SGCZ: variants seen among roughly 807,000 people sequenced by gnomAD.
SGCZ encodes the protein sarcoglycan zeta.
SGCZ carries 40 observed loss-of-function variants against 41.3 expected under a neutral mutation model. The observed-to-expected ratio is 0.97, with a 90% confidence interval of 0.75 to 1.26. The LOEUF is 1.26. SGCZ is among the 50% of genes most tolerant of loss of function. SGCZ has a pLI of 0.00. For missense variants in SGCZ, 552 were observed against 369.8 expected (o/e 1.49, Z -4.04); for synonymous variants, 206 against 137.5 (o/e 1.50, Z -3.49).
intron 1 of SGCZ, among the ~76,000 whole-genome samples, chr8:14,627,757 T>C (rs576724792): frequency 1.3e-5 from 2 of 152,040 alleles, no homozygotes; most frequent in South Asian, 4.2e-4. Context: ...CTTCATTTTT[T>C]TTTGACTGCA....
rs1314460632 is a variant in SGCZ at position 14,601,144 on chromosome 8, A to G, written c.40-46218T>C. On this transcript the variant is annotated intron_variant, in intron 1 of 7. Coordinates refer to ENST00000382080, the MANE Select transcript of SGCZ (RefSeq NM_139167.4). Reference sequence around the variant, plus strand: ...ACAACTTGATTATTTTTCTGCTAATATTATTTGGTAGGTTCAATAACATTT... The same window carrying G: ...ACAACTTGATTATTTTTCTGCTAATGTTATTTGGTAGGTTCAATAACATTT... Among the ~76,000 whole-genome samples the G allele has an allele frequency of 2.0e-5, 3 of 151,880 alleles. No homozygotes were observed. In the East Asian group the frequency reaches 5.8e-4, roughly 29 times the overall value.
intron 4 of SGCZ, among the ~76,000 whole-genome samples, chr8:14,223,017 G>C (rs1177649311): frequency 2.0e-5 from 3 of 151,684 alleles, no homozygotes; most frequent in African/African-American, 7.3e-5. Context: ...TCACCATGTA[G>C]GCCAGGATGG....
At chr8:14,941,010 G>A (rs1461576471) in intron 1 of SGCZ, among the ~76,000 whole-genome samples, 3 of 152,040 alleles carry the variant, frequency 2.0e-5, no homozygotes, top group Admixed American at 6.6e-5. Flanking sequence ...ATGAATAGAT[G>A]TGGAAACTCC....
intron 1 of SGCZ, among the ~76,000 whole-genome samples, chr8:15,202,062 A>T (rs1800908486): frequency 6.6e-6 from 1 of 152,186 alleles, no homozygotes; most frequent in Non-Finnish European, 1.5e-5. Flanking sequence ...TGTTGTCCAC[A>T]TCAAGATCAG....
chr8:14,271,691 T>C (rs1367941179), intron 3 of SGCZ, among the ~76,000 whole-genome samples: 1 of 152,148 alleles, frequency 6.6e-6, no homozygotes, highest in Non-Finnish European at 1.5e-5. Context: ...TCAACCTCCT[T>C]GACTGGGGTT....
intron 4 of SGCZ, among the ~76,000 whole-genome samples, chr8:14,194,850 G>A (rs1007286203): frequency 6.6e-5 from 10 of 151,792 alleles, no homozygotes; most frequent in African/African-American, 2.2e-4. Flanking sequence ...AGGCCATGGG[G>A]CACTGGTATT....
chr8:14,394,974 G>A (rs1051388899), intron 2 of SGCZ, among the ~76,000 whole-genome samples: 2 of 152,078 alleles, frequency 1.3e-5, no homozygotes, highest in Admixed American at 6.6e-5. Flanking sequence ...ACATGGACAC[G>A]TTCCTTAATC....
intron 3 of SGCZ, among the ~76,000 whole-genome samples, chr8:14,285,472 C>T (rs1284438661): frequency 6.6e-6 from 1 of 152,050 alleles, no homozygotes; most frequent in African/African-American, 2.4e-5. Flanking sequence ...ACTCTACCAC[C>T]TCTGAGGAAC....
At chr8:14,871,123 C>T (rs145518321) in intron 1 of SGCZ, among the ~76,000 whole-genome samples, 4,415 of 152,118 alleles carry the variant, frequency 0.029, 112 homozygotes, top group Non-Finnish European at 0.042. Flanking sequence ...AGAAGAATCA[C>T]TTGAACCCAA....
chr8:14,452,543 A>T (rs1800625482), intron 2 of SGCZ, among the ~76,000 whole-genome samples: 1 of 152,028 alleles, frequency 6.6e-6, no homozygotes, highest in Non-Finnish European at 1.5e-5. Context: ...CATCCTGGGC[A>T]TGCATATACT....
chr8:15,218,021 G>T (rs754505551), intron 1 of SGCZ, among the ~76,000 whole-genome samples: 23 of 152,110 alleles, frequency 1.5e-4, no homozygotes, highest in Non-Finnish European at 2.6e-4. Flanking sequence ...GGGAGGCGGA[G>T]ATTCCTTCGG....
chr8:14,241,298 G>C (rs866099172), intron 3 of SGCZ, among the ~76,000 whole-genome samples: 2 of 151,592 alleles, frequency 1.3e-5, no homozygotes, highest in African/African-American at 4.8e-5. Context: ...AGATAAAGGA[G>C]AGAAATCTAT....
chr8:14,546,505 T>C (rs894154037), intron 2 of SGCZ, among the ~76,000 whole-genome samples: 4 of 152,160 alleles, frequency 2.6e-5, no homozygotes, highest in African/African-American at 9.7e-5. Flanking sequence ...ATAAATGTCA[T>C]TGTACTCTCC....
intron 3 of SGCZ, among the ~76,000 whole-genome samples, chr8:14,293,850 G>C (rs1454486570): frequency 6.6e-6 from 1 of 151,818 alleles, no homozygotes; most frequent in Non-Finnish European, 1.5e-5. Context: ...GATCAAAGTA[G>C]TAGAATTAAG....
intron 1 of SGCZ, among the ~76,000 whole-genome samples, chr8:14,830,821 C>G (rs1802500693): frequency 6.6e-6 from 1 of 152,054 alleles, no homozygotes; most frequent in African/African-American, 2.4e-5. Flanking sequence ...TGCAATCACA[C>G]TAAACGAAAA....
intron 1 of SGCZ, among the ~76,000 whole-genome samples, chr8:14,860,561 GGAAA>G (rs558188651): frequency 1.3e-3 from 184 of 137,276 alleles, no homozygotes; most frequent in Non-Finnish European, 2.4e-3. Flanking sequence ...AGAAAGGAAA[GGAAA>G]GAAAGAAAAG....
At chr8:15,221,203 G>C (rs1038891396) in intron 1 of SGCZ, among the ~76,000 whole-genome samples, 18 of 152,216 alleles carry the variant, frequency 1.2e-4, no homozygotes, top group African/African-American at 4.3e-4. Flanking sequence ...ACTCTAAGAA[G>C]TCAAAATCAA....
At chr8:14,112,170 A>C (rs1030445930) in intron 5 of SGCZ, among the ~76,000 whole-genome samples, 2 of 151,586 alleles carry the variant, frequency 1.3e-5, no homozygotes, top group Admixed American at 1.3e-4. Flanking sequence ...TCAGGCAGGA[A>C]ATTATATTTT....
intron 1 of SGCZ, among the ~76,000 whole-genome samples, chr8:14,947,831 T>C (rs781076926): frequency 6.6e-6 from 1 of 152,202 alleles, no homozygotes; most frequent in Non-Finnish European, 1.5e-5. Context: ...TAATAAGCCA[T>C]TTAGTTTGCC....
Sources: allele counts gnomAD v4.1 joint callset (sites outside exome capture counted in the v4.1 genomes callset), GRCh38; gene constraint gnomAD v4.1.1; transcripts MANE v1.5; gene names NCBI Gene and HGNC (gene_info 2026-07-23, HGNC 2026-07-21).